The following PHIP variants were observed in gnomAD, a reference collection of about 807,000 sequenced individuals.
PHIP encodes the protein PHIP subunit of CUL4-Ring ligase complex, also known as PH-interacting protein.
In PHIP, 54 loss-of-function variants were observed where a neutral mutation model predicts 236.8. That is an observed-to-expected ratio of 0.23 (90% confidence interval 0.18 to 0.29). The LOEUF (loss-of-function observed/expected upper bound fraction) is 0.29, where lower values mean the gene tolerates loss of function less well. Ranked by LOEUF, PHIP falls within the 10% of genes least tolerant of loss-of-function variation. The pLI is 1.00. For missense variants in PHIP, 1,370 were observed against 2,190.8 expected (o/e 0.63, Z 7.48); for synonymous variants, 756 against 718.9 (o/e 1.05, Z -0.83).
At chr6:78,973,090 T>G (rs1167316934) in intron 24 of PHIP, among the ~76,000 whole-genome samples, 4 of 151,698 alleles carry the variant, frequency 2.6e-5, no homozygotes, top group Non-Finnish European at 4.4e-5. Context: ...TTCACCAAAG[T>G]TGAAATGAAG....
chr6:79,053,852 T>C (rs1452071687), intron 6 of PHIP, among the ~76,000 whole-genome samples: 3 of 152,164 alleles, frequency 2.0e-5, no homozygotes, highest in African/African-American at 7.2e-5. Context: ...TGCCAGATGG[T>C]TTATATGAAG....
chr6:79,065,352 T>C (rs951509889), intron 4 of PHIP, among the ~76,000 whole-genome samples: 2 of 152,324 alleles, frequency 1.3e-5, no homozygotes, highest in Non-Finnish European at 2.9e-5. Flanking sequence ...CAGAAATGCA[T>C]GTATGGTCAC....
At chr6:79,037,031 T>C (rs2127756300) in intron 7 of PHIP, among the ~76,000 whole-genome samples, 1 of 152,046 alleles carries the variant, frequency 6.6e-6, no homozygotes, top group East Asian at 1.9e-4. Flanking sequence ...CTATGTAAGT[T>C]GGGAAATCAA....
intron 19 of PHIP, among the ~76,000 whole-genome samples, chr6:78,996,596 T>C (rs1364812680): frequency 2.0e-5 from 3 of 152,220 alleles, no homozygotes; most frequent in Non-Finnish European, 2.9e-5. Context: ...CTGGGCATAT[T>C]TGTCATAAGA....
chr6:79,021,437 C>A (rs1212768278), intron 9 of PHIP, among the ~76,000 whole-genome samples: 2 of 152,092 alleles, frequency 1.3e-5, no homozygotes, highest in Non-Finnish European at 2.9e-5. Context: ...CGTGAGCCAA[C>A]ACGCCCCGCC....
chr6:78,941,675 T>C (rs1249542869), intron 39 of PHIP, among the ~76,000 whole-genome samples: 2 of 152,168 alleles, frequency 1.3e-5, no homozygotes, highest in South Asian at 2.1e-4. Context: ...ACTTTGTTCT[T>C]AGAACTGTTT....
At chr6:79,037,989 T>C (rs1028515484) in intron 7 of PHIP, among the ~76,000 whole-genome samples, 6 of 152,234 alleles carry the variant, frequency 3.9e-5, no homozygotes, top group Non-Finnish European at 8.8e-5. Context: ...TAAGCGGCAG[T>C]ACTCCACATT....
chr6:79,021,147 C>T (rs1470501971), intron 9 of PHIP, among the ~76,000 whole-genome samples: 4 of 152,016 alleles, frequency 2.6e-5, no homozygotes. Flanking sequence ...TAAAGCACTA[C>T]AAGTTACTTT....
chr6:78,946,546 A>G (rs1773829731), intron 37 of PHIP, 165 bp downstream of exon 37: 1 of 1,383,552 alleles, frequency 7.2e-7, no homozygotes, highest in Non-Finnish European at 9.3e-7. Flanking sequence ...ACACTAGTAT[A>G]GCTTTAGTTA....
Position 78,941,024 on chromosome 6 carries a change from C to T in PHIP, c.5135G>A (p.Gly1712Glu), listed in dbSNP as rs1312151611. The T allele has an allele frequency of 1.2e-6, 2 of 1,613,900 alleles. No individual in the cohort carries two copies. Among genetic ancestry groups the T allele is most frequent in the Admixed American group, 3.3e-5 (2 of 60,012 alleles). Residue 1712 changes from glycine (G) to glutamate (E), a missense_variant, in exon 40 of 40, where the codon GGA becomes GAA. Transcript: ENST00000275034. ...CATCTTCCTTTTGGGCTTCCTACCTCCACGATTCTTTTTCTGTAACAAATC... is the reference window on the plus strand; with the variant it reads ...CATCTTCCTTTTGGGCTTCCTACCTTCACGATTCTTTTTCTGTAACAAATC... ...KEDLLQKKNR[G>E]GRKPKRKMKT... is the part of the protein sequence containing the mutation.
chr6:78,986,643 T>C (rs2127720637), intron 21 of PHIP, among the ~76,000 whole-genome samples: 1 of 152,342 alleles, frequency 6.6e-6, no homozygotes, highest in South Asian at 2.1e-4. Flanking sequence ...ACTTACTTGC[T>C]GGGCATATTC....
chr6:79,002,888 TTAA>T (rs929651150), intron 16 of PHIP, among the ~76,000 whole-genome samples: 1 of 152,088 alleles, frequency 6.6e-6, no homozygotes, highest in Non-Finnish European at 1.5e-5. Flanking sequence ...TTTCTAAGGG[TTAA>T]TAAGCATTTT....
At chr6:79,015,022 A>G in intron 15 of PHIP, 60 bp downstream of exon 15, 1 of 1,376,760 alleles carries the variant, frequency 7.3e-7, no homozygotes, top group Non-Finnish European at 1.0e-6. Flanking sequence ...CATGCAGAGT[A>G]CCTTTGTCAA....
intron 7 of PHIP, among the ~76,000 whole-genome samples, chr6:79,028,779 T>C (rs1230566673): frequency 6.6e-6 from 1 of 152,218 alleles, no homozygotes; most frequent in Non-Finnish European, 1.5e-5. Context: ...CATGTTATGC[T>C]TCACAATACT....
chr6:78,970,982 G>T, intron 24 of PHIP, 94 bp from the exon 25 acceptor site: 2 of 748,984 alleles, frequency 2.7e-6, no homozygotes, highest in East Asian at 2.9e-5. Context: ...AAAATCTAAT[G>T]CCTTTTCAGC....
At chr6:79,059,591 TTATATATATATATATATATATATA>T (rs72226338) in intron 6 of PHIP, among the ~76,000 whole-genome samples, 1 of 84,764 alleles carries the variant, frequency 1.2e-5, no homozygotes, top group South Asian at 4.8e-4. Context: ...GAAAGCAAAA[TTATATATATATATATATATATATA>T]TATATATATA....
At chr6:78,959,412 A>G (rs937889994) in intron 31 of PHIP, among the ~76,000 whole-genome samples, 1 of 152,160 alleles carries the variant, frequency 6.6e-6, no homozygotes, top group Non-Finnish European at 1.5e-5. Flanking sequence ...AGAATCACAG[A>G]TATCTTCAGT....
At chr6:79,010,883 G>A (rs1046060646) in intron 15 of PHIP, among the ~76,000 whole-genome samples, 7 of 151,690 alleles carry the variant, frequency 4.6e-5, no homozygotes, top group East Asian at 3.8e-4. Flanking sequence ...TTAGCTGTCC[G>A]GTGCTAATTT....
intron 24 of PHIP, among the ~76,000 whole-genome samples, chr6:78,975,972 G>GCCATC: frequency 6.6e-6 from 1 of 151,688 alleles, no homozygotes; most frequent in Admixed American, 6.6e-5. Context: ...CAGATTCAAT[G>GCCATC]CCATCCCCAT....
Sources: gnomAD v4.1 joint callset for allele counts (sites outside exome capture counted in the v4.1 genomes callset) on GRCh38, gnomAD v4.1.1 for gene constraint, MANE v1.5 for transcripts, NCBI Gene and HGNC (gene_info 2026-07-23, HGNC 2026-07-21) for gene names.